The following EXD2 variants were observed in gnomAD, a reference collection of about 807,000 sequenced individuals.
EXD2 encodes the protein exonuclease 3'-5' domain containing 2.
A neutral mutation model predicts 62.5 loss-of-function variants in EXD2; 40 were observed. That is an observed-to-expected ratio of 0.64 (90% CI 0.50 to 0.83). EXD2 has a LOEUF of 0.83. Ranked by LOEUF, EXD2 falls within the 40% of genes least tolerant of loss-of-function variation. The pLI is 0.00. For synonymous variants in EXD2, 239 were observed against 291.9 expected (o/e 0.82, Z 1.85); for missense variants, 671 against 761.8 (o/e 0.88, Z 1.40).
chr14:69,222,342 T>C (rs1181965554), intron 3 of EXD2, among the ~76,000 whole-genome samples: 2 of 152,198 alleles, frequency 1.3e-5, no homozygotes, highest in Admixed American at 1.3e-4. Context: ...GTTTCTTTCC[T>C]TCTGTTCTCT....
At chr14:69,238,114 T>TG (rs2043861774) in intron 9 of EXD2, among the ~76,000 whole-genome samples, 183 bp downstream of exon 9, 1 of 152,238 alleles carries the variant, frequency 6.6e-6, no homozygotes, top group Non-Finnish European at 1.5e-5. Context: ...CTTGAGGAGT[T>TG]CCTTTCCATA....
intron 5 of EXD2, among the ~76,000 whole-genome samples, chr14:69,231,148 T>C (rs186989867): frequency 6.6e-6 from 1 of 152,226 alleles, no homozygotes; most frequent in African/African-American, 2.4e-5. Context: ...TACAAATGTA[T>C]AATTTAAAAA....
At chr14:69,207,982 T>C (rs1453977838) in intron 2 of EXD2, among the ~76,000 whole-genome samples, 1 of 150,496 alleles carries the variant, frequency 6.6e-6, no homozygotes, top group African/African-American at 2.4e-5. Context: ...GACTGAAACC[T>C]CCACCTCCCA....
chr14:69,216,450 T>C lies in EXD2; in HGVS notation c.333+6647T>C, dbSNP rs1460974235. On this transcript the variant is annotated intron_variant, in intron 3 of 9. Transcript: ENST00000685843. The stretch of plus-strand genomic sequence containing the variant: ...ATACTCTACATTTTCTTTTTTGTGA[T>C]GGAGTCTCACTCTGTCACTCAGACT... Among the ~76,000 whole-genome samples the C allele has an allele frequency of 2.0e-5, 3 of 152,302 alleles. No homozygotes were observed. In the South Asian group the frequency reaches 6.2e-4, roughly 32 times the overall value.
At chr14:69,193,028 C>T (rs2042084652) in intron 1 of EXD2, among the ~76,000 whole-genome samples, 1 of 149,876 alleles carries the variant, frequency 6.7e-6, no homozygotes, top group African/African-American at 2.4e-5. Context: ...CTGCCACCCA[C>T]GGTGGATAAT....
chr14:69,203,231 T>A lies in EXD2; in HGVS notation c.-131-686T>A, dbSNP rs1327309625. Among the ~76,000 whole-genome samples the A allele has an allele frequency of 2.2e-5, 3 of 138,870 alleles. No individual in the cohort carries two copies. The East Asian group carries it at 1.2e-3, about 54-fold the overall frequency. The allele number at this position is 138,870 out of a possible 152,430, so 91.1% of individuals were successfully genotyped here. On this transcript the variant is annotated intron_variant, in intron 1 of 9. Transcript: ENST00000685843. ...ATGCCACCATGCCTGGCTGGCTAGT[T>A]TTTTGTAATTTTTTTTTTTTTTTAA...
At position 69,241,125 on chromosome 14, in the gene EXD2, C is replaced by G; in HGVS notation, c.*25C>G. ...ATAGCTGCTTTCCTCCCAGTTAGGA[C>G]AAGTGGGAAGCTGGAGCCAAGGTTG... is the stretch of plus-strand genomic sequence containing the variant. On this transcript the variant is annotated 3_prime_UTR_variant, in exon 10 of 10. Transcript: ENST00000685843. 6.3e-7 allele frequency: 1 copy of G among 1,597,586 alleles called. No homozygotes were observed. The highest frequency in any genetic ancestry group is 8.6e-7 in the Non-Finnish European group (1 of 1,169,022).
At chr14:69,192,607 C>G (rs1387162844) in intron 1 of EXD2, among the ~76,000 whole-genome samples, 4 of 151,876 alleles carry the variant, frequency 2.6e-5, no homozygotes, top group Non-Finnish European at 4.4e-5. Context: ...TTACCAGTCC[C>G]TTTCCCACAA....
Position 69,241,205 on chromosome 14 carries a change from A to G in EXD2, c.*105A>G. 3.4e-6 allele frequency: 3 copies of G among 892,994 alleles called. No homozygotes were observed. The highest frequency in any genetic ancestry group is 5.1e-6 in the Non-Finnish European group (3 of 586,444). The allele number at this position is 892,994 out of a possible 1,614,324, so 55.3% of individuals were successfully genotyped here. ...CATTAATTGTCAAAGCCTGTGTGAC[A>G]CAACTCAGAATACTAACCTAGACTA... On this transcript the variant is annotated 3_prime_UTR_variant, in exon 10 of 10. Transcript: ENST00000685843.
chr14:69,243,236 A>G lies in EXD2; in HGVS notation c.*2136A>G, dbSNP rs2044025386. On this transcript the variant is annotated 3_prime_UTR_variant, in exon 10 of 10. Transcript: ENST00000685843. ...TCTTAAATCAGAGATTTGAGGGTAG[A>G]CTTATTTTATGGCAAATGTCTATTT... 6.6e-6 allele frequency: 1 copy of G among 152,212 alleles called. No homozygotes were observed. Among genetic ancestry groups the G allele is most frequent in the East Asian group, 1.9e-4 (1 of 5,198 alleles). 9.4% of individuals were successfully genotyped at this position (152,212 alleles called of 1,614,324 possible).
intron 1 of EXD2, among the ~76,000 whole-genome samples, chr14:69,192,570 TTTTG>T (rs1219395262): frequency 6.6e-6 from 1 of 152,174 alleles, no homozygotes; most frequent in Non-Finnish European, 1.5e-5. Context: ...TCCTCTTTGA[TTTTG>T]TTTTTTTCCA....
intron 1 of EXD2, among the ~76,000 whole-genome samples, chr14:69,192,920 A>G (rs1251894314): frequency 6.6e-6 from 1 of 152,012 alleles, no homozygotes; most frequent in Non-Finnish European, 1.5e-5. Context: ...TCCTTCCCAC[A>G]CACCTCTGTG....
rs1276323610 is a variant in EXD2 at position 69,209,559 on chromosome 14, G to A, written c.89G>A (p.Arg30His). 2.6e-6 allele frequency: 4 copies of A among 1,550,536 alleles called. No homozygotes were observed. Among genetic ancestry groups the A allele is most frequent in the South Asian group, 1.2e-5 (1 of 84,062 alleles). ...GGFVLWKGIQ[R>H]RRRSKTSPVT... Reference sequence around the variant, plus strand: ...TTTGTCCTCTGGAAAGGCATCCAGCGCCGCCGAAGGAGTAAAACGAGTCCT... The same window carrying A: ...TTTGTCCTCTGGAAAGGCATCCAGCACCGCCGAAGGAGTAAAACGAGTCCT... Residue 30 changes from arginine (R) to histidine (H), a missense_variant, in exon 3 of 10, where the codon CGC becomes CAC. Transcript: ENST00000685843.
Position 69,241,904 on chromosome 14 carries a change from A to G in EXD2, c.*804A>G. ...TGCACTCCTCCTGCCCCAGAACTGC[A>G]AGATTTTTAGCTTCACCCCTTTCTG... On this transcript the variant is annotated 3_prime_UTR_variant, in exon 10 of 10. Transcript: ENST00000685843. The G allele has an allele frequency of 2.5e-6, 1 of 399,020 alleles. No individual in the cohort carries two copies. The highest frequency in any genetic ancestry group is 4.4e-6 in the Non-Finnish European group (1 of 226,074). The allele number at this position is 399,020 out of a possible 1,614,324, so 24.7% of individuals were successfully genotyped here.
At chr14:69,194,142 CTTTT>C (rs10716345) in intron 1 of EXD2, among the ~76,000 whole-genome samples, 1 of 136,434 alleles carries the variant, frequency 7.3e-6, no homozygotes, top group East Asian at 2.2e-4. Context: ...TCAGTCCATT[CTTTT>C]TTTTTTTTTT....
chr14:69,220,251 C>CTGTTTTTTGTTTTTTTTTTTT, intron 3 of EXD2, among the ~76,000 whole-genome samples: 1 of 60,604 alleles, frequency 1.7e-5, no homozygotes, highest in Non-Finnish European at 3.0e-5. Context: ...TTTTGTCTCT[C>CTGTTTTTTGTTTTTTTTTTTT]TGTTTTTTTT....
At chr14:69,200,839 C>T (rs1463419555) in intron 1 of EXD2, among the ~76,000 whole-genome samples, 1 of 151,994 alleles carries the variant, frequency 6.6e-6, no homozygotes, top group African/African-American at 2.4e-5. Flanking sequence ...TTTGGGAGGC[C>T]GAGGTGGGTG....
At position 69,229,073 on chromosome 14, in the gene EXD2, G is replaced by C; in HGVS notation, c.590+1G>C. 2 of 1,613,472 alleles carry C rather than the reference G, an allele frequency of 1.2e-6. No homozygotes were observed. Among genetic ancestry groups the C allele is most frequent in the Non-Finnish European group, 1.7e-6 (2 of 1,179,398 alleles). ...TCCGATACCTAGCCATGCGGCAGAG[G>C]TGTGGTTTGTATGAATGCTGGGATT... On this transcript the variant is annotated splice_donor_variant, in intron 4 of 9. Coordinates refer to ENST00000685843, the MANE Select transcript of EXD2 (RefSeq NM_001193360.2). LOFTEE classifies it high-confidence loss of function.
intron 3 of EXD2, chr14:69,210,300 AATT>A (rs1246837152): frequency 6.5e-6 from 1 of 155,006 alleles, no homozygotes; most frequent in Admixed American, 6.5e-5. Flanking sequence ...TTTAAATGGA[AATT>A]ATTACTTAGG....
Sources: allele counts gnomAD v4.1 joint callset (sites outside exome capture counted in the v4.1 genomes callset), GRCh38; gene constraint gnomAD v4.1.1; transcripts MANE v1.5; gene names NCBI Gene and HGNC (gene_info 2026-07-23, HGNC 2026-07-21).